The following FCHO2 variants were observed in gnomAD, a reference collection of about 807,000 sequenced individuals.
FCHO2 encodes the protein FCH and mu domain containing endocytic adaptor 2, also known as F-BAR domain only protein 2.
Under a neutral mutation model 114.1 loss-of-function variants are expected in FCHO2, and 43 were observed. The observed-to-expected ratio is 0.38, with a 90% CI of 0.30 to 0.49. The LOEUF (loss-of-function observed/expected upper bound fraction) is 0.49, where lower values mean the gene tolerates loss of function less well. Ranked by LOEUF, FCHO2 falls within the 20% of genes least tolerant of loss-of-function variation. The pLI, the probability that FCHO2 is intolerant of heterozygous loss-of-function variation, is 0.97. For missense variants in FCHO2, 807 were observed against 950.4 expected (o/e 0.85, Z 1.98); for synonymous variants, 293 against 315.2 (o/e 0.93, Z 0.75).
rs777624340 is a variant in FCHO2, at chr5:73,006,564, G to C, written c.600+15G>C. 6 of 1,464,942 alleles carry C rather than the reference G, an allele frequency of 4.1e-6. No individual in the cohort carries two copies. Among genetic ancestry groups the C allele is most frequent in the Non-Finnish European group, 5.4e-6 (6 of 1,105,104 alleles). 90.7% of individuals were successfully genotyped at this position (1,464,942 alleles called of 1,614,324 possible). On this transcript the variant is annotated intron_variant, in intron 6 of 25. Coordinates refer to ENST00000430046, the MANE Select transcript of FCHO2 (RefSeq NM_138782.3). ...AAACAGCTCAGGTTGGTATTTTAAGGCTTCAGATTGAAAACAGGGCATTTA... is the reference window on the plus strand; with the variant it reads ...AAACAGCTCAGGTTGGTATTTTAAGCCTTCAGATTGAAAACAGGGCATTTA...
chr5:73,022,213 C>CT (rs1755666399), intron 8 of FCHO2, among the ~76,000 whole-genome samples: 1 of 152,046 alleles, frequency 6.6e-6, no homozygotes, highest in East Asian at 1.9e-4. Flanking sequence ...GAACGATAAC[C>CT]TTTTTTCCCT....
At chr5:72,956,455 C>G (rs1175636435) in intron 1 of FCHO2, among the ~76,000 whole-genome samples, 2 of 151,716 alleles carry the variant, frequency 1.3e-5, no homozygotes, top group African/African-American at 4.8e-5. Flanking sequence ...CCGCGCTCCG[C>G]GCGGGGCGTG....
intron 11 of FCHO2, among the ~76,000 whole-genome samples, chr5:73,047,784 T>C (rs992491630): frequency 1.3e-5 from 2 of 152,174 alleles, no homozygotes; most frequent in African/African-American, 4.8e-5. Context: ...ATATTGTAAA[T>C]AGTTGTTTTA....
At chr5:72,995,704 C>T (rs1754054933) in intron 5 of FCHO2, among the ~76,000 whole-genome samples, 1 of 151,982 alleles carries the variant, frequency 6.6e-6, no homozygotes, top group South Asian at 2.1e-4. Flanking sequence ...TATGAGGGGG[C>T]TGAGTGTGTT....
intron 6 of FCHO2, among the ~76,000 whole-genome samples, chr5:73,012,940 G>T (rs952744579): frequency 5.3e-5 from 8 of 152,152 alleles, no homozygotes; most frequent in Non-Finnish European, 1.0e-4. Flanking sequence ...CTTGTTGAGT[G>T]TAGCTTTTTC....
intron 5 of FCHO2, among the ~76,000 whole-genome samples, chr5:72,999,241 C>T (rs77220634): frequency 0.074 from 11,223 of 151,598 alleles, 712 homozygotes; most frequent in East Asian, 0.35. Flanking sequence ...TTTGGCCTAT[C>T]GTAAGGTTTT....
chr5:73,051,374 G>A lies in FCHO2; in HGVS notation c.965G>A (p.Gly322Asp). 1.3e-6 allele frequency: 2 copies of A among 1,533,908 alleles called. No individual in the cohort carries two copies. Among genetic ancestry groups the A allele is most frequent in the Non-Finnish European group, 8.8e-7 (1 of 1,133,966 alleles). Residue 322 changes from glycine to aspartate, a missense_variant, in exon 12 of 26, where the codon GGC becomes GAC. Coordinates refer to ENST00000430046, the MANE Select transcript of FCHO2 (RefSeq NM_138782.3). ...SLNIPDVDEE[G>D]YSIKPETNQN... ...AACATTCCTGATGTAGATGAAGAAG[G>A]CTACAGTATTAAACCAGAAACAAAT...
chr5:72,974,354 C>CTTT (rs1752741472), intron 2 of FCHO2, among the ~76,000 whole-genome samples: 1 of 142,528 alleles, frequency 7.0e-6, no homozygotes, highest in African/African-American at 2.6e-5. Context: ...CTTTGTAGGT[C>CTTT]ACTCAGGACT....
At chr5:72,988,313 C>T (rs993385930) in intron 2 of FCHO2, among the ~76,000 whole-genome samples, 1 of 152,066 alleles carries the variant, frequency 6.6e-6, no homozygotes, top group Non-Finnish European at 1.5e-5. Flanking sequence ...TGGCGGGTGC[C>T]TGTAGTCCCA....
At chr5:73,054,078 A>G (rs1561481644) in intron 13 of FCHO2, 82 bp from the exon 14 acceptor site, 1 of 1,077,708 alleles carries the variant, frequency 9.3e-7, no homozygotes, top group Non-Finnish European at 1.3e-6. Flanking sequence ...ATGATTGAAT[A>G]GGGAATGATA....
At chr5:73,065,740 T>G (rs1184434101) in intron 18 of FCHO2, among the ~76,000 whole-genome samples, 2 of 152,052 alleles carry the variant, frequency 1.3e-5, no homozygotes, top group African/African-American at 2.4e-5. Flanking sequence ...TATTCTTTGA[T>G]TATAATTTTA....
intron 6 of FCHO2, among the ~76,000 whole-genome samples, chr5:73,007,236 T>C (rs1489063395): frequency 3.9e-5 from 6 of 152,206 alleles, no homozygotes; most frequent in Admixed American, 3.3e-4. Flanking sequence ...GGTTTATTAC[T>C]TTCTCATGCT....
At chr5:72,962,760 G>T (rs1428791327) in intron 1 of FCHO2, among the ~76,000 whole-genome samples, 1 of 152,082 alleles carries the variant, frequency 6.6e-6, no homozygotes, top group Non-Finnish European at 1.5e-5. Flanking sequence ...GGGCGTGATG[G>T]TGCGAACCTG....
At chr5:73,082,586 C>G (rs1424855039) in intron 23 of FCHO2, among the ~76,000 whole-genome samples, 175 bp from the exon 24 acceptor site, 2 of 152,168 alleles carry the variant, frequency 1.3e-5, no homozygotes, top group East Asian at 1.9e-4. Context: ...GAAAAAGATA[C>G]AGCATTATGT....
intron 8 of FCHO2, among the ~76,000 whole-genome samples, chr5:73,029,035 G>A (rs933167143): frequency 2.0e-5 from 3 of 152,096 alleles, no homozygotes; most frequent in Non-Finnish European, 4.4e-5. Flanking sequence ...CCTTGGGAAG[G>A]GTGGAATGGG....
rs569466505 is a variant in FCHO2, at chr5:73,045,763, A to G, written c.939+4448A>G. 1.6e-4 allele frequency among the ~76,000 whole-genome samples: 25 copies of G among 152,296 alleles called. 2 individuals carry two copies. In the South Asian group the frequency reaches 5.0e-3, roughly 30 times the overall value. On this transcript the variant is annotated intron_variant, in intron 11 of 25. Coordinates refer to ENST00000430046, the MANE Select transcript of FCHO2 (RefSeq NM_138782.3). ...TTGAAGTGAGTTTCTTATAGACAGCAGATAGTTTGATTATGTTTTTAAAAA... is the reference window on the plus strand; with the variant it reads ...TTGAAGTGAGTTTCTTATAGACAGCGGATAGTTTGATTATGTTTTTAAAAA...
intron 2 of FCHO2, among the ~76,000 whole-genome samples, chr5:72,979,374 A>ATTTT (rs1753056004): frequency 6.0e-5 from 4 of 66,596 alleles, no homozygotes; most frequent in Non-Finnish European, 9.6e-5. Flanking sequence ...GAATTTATCA[A>ATTTT]TTTCTTTTTT....
chr5:73,086,484 G>C (rs1743315956), intron 24 of FCHO2, among the ~76,000 whole-genome samples: 1 of 152,166 alleles, frequency 6.6e-6, no homozygotes, highest in Non-Finnish European at 1.5e-5. Context: ...CTGTCCATTT[G>C]CTCTATCCAG....
At chr5:73,085,592 T>G (rs1007625544) in intron 24 of FCHO2, among the ~76,000 whole-genome samples, 9 of 148,558 alleles carry the variant, frequency 6.1e-5, no homozygotes, top group African/African-American at 2.5e-5. Context: ...CTAGACAATG[T>G]GGCAAAACCC....
Sources: gnomAD v4.1 joint callset for allele counts (sites outside exome capture counted in the v4.1 genomes callset) on GRCh38, gnomAD v4.1.1 for gene constraint, MANE v1.5 for transcripts, NCBI Gene and HGNC (gene_info 2026-07-23, HGNC 2026-07-21) for gene names.